Variants in BICDL1 observed in about 807,000 individuals in gnomAD.
BICDL1 encodes BICD family-like cargo adapter 1.
Under a neutral mutation model 76.8 loss-of-function variants are expected in BICDL1, and 20 were observed. The ratio of observed to expected loss-of-function variants is 0.26; its 90% confidence interval spans 0.18 to 0.38. BICDL1 has a LOEUF of 0.38. Among genes scored for constraint, BICDL1 ranks in the 10% least tolerant of loss-of-function variants. The pLI is 1.00. For missense variants in BICDL1, 700 were observed against 798.6 expected (o/e 0.88, Z 1.49); for synonymous variants, 383 against 337.1 (o/e 1.14, Z -1.49).
At chr12:120,078,935 G>C (rs577357666) in intron 7 of BICDL1, among the ~76,000 whole-genome samples, 2 of 152,352 alleles carry the variant, frequency 1.3e-5, no homozygotes, top group Middle Eastern at 3.4e-3. Flanking sequence ...TGTAGGTCTT[G>C]AGTCCTGGCC....
chr12:120,045,837 T>C (rs1952737877), intron 2 of BICDL1, among the ~76,000 whole-genome samples: 2 of 151,242 alleles, frequency 1.3e-5, no homozygotes. Flanking sequence ...AGTTAGTGGG[T>C]GCAGCACACC....
chr12:120,034,297 C>G (rs181686939), intron 2 of BICDL1, among the ~76,000 whole-genome samples: 168 of 152,276 alleles, frequency 1.1e-3, no homozygotes, highest in African/African-American at 3.7e-3. Flanking sequence ...AAAATACAAT[C>G]AAGGTTACTT....
intron 1 of BICDL1, among the ~76,000 whole-genome samples, chr12:119,994,681 G>A (rs1951600505): frequency 6.6e-6 from 1 of 152,058 alleles, no homozygotes. Flanking sequence ...GTAGAGACGG[G>A]GTTTCACCAT....
chr12:120,030,834 A>G (rs1257141212), intron 2 of BICDL1, among the ~76,000 whole-genome samples: 1 of 152,144 alleles, frequency 6.6e-6, no homozygotes, highest in Non-Finnish European at 1.5e-5. Context: ...GCTACTTTCA[A>G]CAGTAACTGA....
At chr12:120,074,333 C>A in intron 6 of BICDL1, 110 bp from the exon 7 acceptor site, 1 of 613,850 alleles carries the variant, frequency 1.6e-6, no homozygotes, top group Non-Finnish European at 2.1e-6. Context: ...TTCCTCCACT[C>A]TCCCCCATTT....
chr12:120,054,574 A>C (rs1194573921), intron 2 of BICDL1, among the ~76,000 whole-genome samples: 1 of 152,192 alleles, frequency 6.6e-6, no homozygotes, highest in Non-Finnish European at 1.5e-5. Context: ...TATTACAGTC[A>C]TATAAAATGA....
intron 9 of BICDL1, chr12:120,091,305 G>C: frequency 9.4e-7 from 1 of 1,066,924 alleles, no homozygotes; most frequent in Non-Finnish European, 1.1e-6. Flanking sequence ...GCGTGTGTCT[G>C]GGAAACTCTA....
chr12:120,015,226 A>G (rs1188820567), intron 2 of BICDL1, among the ~76,000 whole-genome samples: 1 of 151,994 alleles, frequency 6.6e-6, no homozygotes, highest in African/African-American at 2.4e-5. Context: ...CTGCTCCTCC[A>G]TTTTTTCCCA....
chr12:120,042,937 T>G (rs1182726779), intron 2 of BICDL1, among the ~76,000 whole-genome samples: 1 of 152,112 alleles, frequency 6.6e-6, no homozygotes, highest in Non-Finnish European at 1.5e-5. Flanking sequence ...CTGCTAAACC[T>G]AACCAGAGGT....
rs1021422333 is a variant in BICDL1, at chr12:120,039,415, G to A, written c.646-22295G>A. Among the ~76,000 whole-genome samples the A allele has an allele frequency of 4.0e-5, 6 of 149,658 alleles. No individual in the cohort carries two copies. In the East Asian group the frequency reaches 8.1e-4, roughly 20 times the overall value. On this transcript the variant is annotated intron_variant, in intron 2 of 9. Transcript: ENST00000548673. ...AGCACTTTGGGAGGCCAAGGTGGGC[G>A]GATTATGAGGTCAGGAGTTCGAGTC... is the stretch of plus-strand genomic sequence containing the variant.
chr12:120,060,512 A>G (rs1953081314), intron 2 of BICDL1, among the ~76,000 whole-genome samples: 1 of 152,198 alleles, frequency 6.6e-6, no homozygotes, highest in African/African-American at 2.4e-5. Context: ...TCATTACTTC[A>G]CTGACTGAAA....
intron 2 of BICDL1, among the ~76,000 whole-genome samples, chr12:120,056,294 A>G (rs932275892): frequency 5.9e-5 from 9 of 152,222 alleles, no homozygotes; most frequent in Admixed American, 5.2e-4. Context: ...CTTGCCATCT[A>G]TTTTATATTC....
At chr12:120,017,254 T>C in intron 2 of BICDL1, among the ~76,000 whole-genome samples, 1 of 152,224 alleles carries the variant, frequency 6.6e-6, no homozygotes, top group East Asian at 1.9e-4. Context: ...GTAATACTTT[T>C]AAAAGGATTT....
At chr12:120,067,918 A>C (rs931739579) in intron 4 of BICDL1, among the ~76,000 whole-genome samples, 4 of 152,250 alleles carry the variant, frequency 2.6e-5, no homozygotes, top group African/African-American at 9.6e-5. Flanking sequence ...CCACTGGACC[A>C]GCAGGTATTG....
chr12:120,092,657 A>C, intron 9 of BICDL1: 2 of 985,476 alleles, frequency 2.0e-6, no homozygotes, highest in Non-Finnish European at 2.4e-6. Flanking sequence ...CACAGGAGGC[A>C]GAGCCGTGAG....
At chr12:120,057,877 C>T (rs2138881412) in intron 2 of BICDL1, among the ~76,000 whole-genome samples, 1 of 128,564 alleles carries the variant, frequency 7.8e-6, no homozygotes, top group South Asian at 2.6e-4. Flanking sequence ...GTCGCCCAGG[C>T]TGGAGTGCAG....
chr12:120,078,053 G>T (rs577086719), intron 7 of BICDL1, among the ~76,000 whole-genome samples: 2 of 152,238 alleles, frequency 1.3e-5, no homozygotes, highest in South Asian at 4.2e-4. Flanking sequence ...CCACACCTGG[G>T]CCTTCTCCCC....
At chr12:120,092,280 G>A (rs1364807211) in intron 9 of BICDL1, 2 of 985,332 alleles carry the variant, frequency 2.0e-6, no homozygotes, top group Non-Finnish European at 2.4e-6. Context: ...GGGGAGGAAG[G>A]CATTTTCTGG....
chr12:120,059,524 T>C (rs1457511572), intron 2 of BICDL1, among the ~76,000 whole-genome samples: 2 of 152,072 alleles, frequency 1.3e-5, no homozygotes, highest in Non-Finnish European at 2.9e-5. Flanking sequence ...TCCGCCCACC[T>C]CGGCCTCTCA....
Sources: allele counts gnomAD v4.1 joint callset (sites outside exome capture counted in the v4.1 genomes callset), GRCh38; gene constraint gnomAD v4.1.1; transcripts MANE v1.5; gene names NCBI Gene and HGNC (gene_info 2026-07-23, HGNC 2026-07-21).